The following PTPN22 variants were observed in gnomAD, a reference collection of about 807,000 sequenced individuals.
PTPN22 encodes the protein tyrosine-protein phosphatase non-receptor type 22.
Under a neutral mutation model 103.3 loss-of-function variants are expected in PTPN22, and 85 were observed. That is an observed-to-expected ratio of 0.82 (90% CI 0.69 to 0.99). The LOEUF is 0.99. PTPN22 is among the 50% of genes least tolerant of loss of function. PTPN22 has a pLI of 0.00. For missense variants in PTPN22, 865 were observed against 936.9 expected (o/e 0.92, Z 1.00); for synonymous variants, 323 against 310.2 (o/e 1.04, Z -0.43).
At chr1:113,827,394 C>T (rs1213988687) in intron 18 of PTPN22, among the ~76,000 whole-genome samples, 2 of 151,994 alleles carry the variant, frequency 1.3e-5, no homozygotes, top group Admixed American at 1.3e-4. Flanking sequence ...TAGTATCCTT[C>T]CAGTGTTACT....
intron 11 of PTPN22, among the ~76,000 whole-genome samples, chr1:113,847,396 T>C (rs549558431): frequency 2.6e-4 from 40 of 152,116 alleles, no homozygotes; most frequent in African/African-American, 9.1e-4. Flanking sequence ...TCTTGGCTGC[T>C]TTAAAATCCT....
intron 1 of PTPN22, among the ~76,000 whole-genome samples, chr1:113,859,953 C>G (rs989695537): frequency 1.4e-5 from 2 of 140,494 alleles, no homozygotes; most frequent in Non-Finnish European, 3.0e-5. Flanking sequence ...GTTCCAAAAG[C>G]AGTCACTTTT....
At chr1:113,864,693 G>T (rs1450033458) in intron 1 of PTPN22, among the ~76,000 whole-genome samples, 1 of 150,816 alleles carries the variant, frequency 6.6e-6, no homozygotes, top group African/African-American at 2.4e-5. Context: ...GGCAGATCAC[G>T]AGGTCGGGAG....
intron 1 of PTPN22, among the ~76,000 whole-genome samples, chr1:113,871,043 AAAC>A (rs1666535192): frequency 6.6e-6 from 1 of 152,114 alleles, no homozygotes; most frequent in South Asian, 2.1e-4. Flanking sequence ...TTAAAAAAAC[AAAC>A]AACAACAACA....
At chr1:113,829,529 A>AG in intron 18 of PTPN22, 63 bp downstream of exon 18, 1 of 804,582 alleles carries the variant, frequency 1.2e-6, no homozygotes, top group Non-Finnish European at 2.0e-6. Context: ...AATGCTGGGG[A>AG]GGGGGAAACT....
intron 1 of PTPN22, chr1:113,864,081 G>C (rs553144497): frequency 2.9e-6 from 1 of 342,952 alleles, no homozygotes; most frequent in South Asian, 2.1e-5. Flanking sequence ...ATTGCACTCT[G>C]GTCTGGGCAA....
chr1:113,827,202 G>A (rs917251059), intron 18 of PTPN22, among the ~76,000 whole-genome samples: 2 of 151,980 alleles, frequency 1.3e-5, no homozygotes, highest in Non-Finnish European at 2.9e-5. Context: ...GCTCTTCCAT[G>A]GAATAGATAT....
chr1:113,868,267 G>T (rs1666284826), intron 1 of PTPN22, among the ~76,000 whole-genome samples: 2 of 151,976 alleles, frequency 1.3e-5, no homozygotes, highest in South Asian at 4.1e-4. Context: ...GGATGCTCAG[G>T]GAATCTACCT....
At position 113,819,594 on chromosome 1, in the gene PTPN22, C is replaced by T. The variant is rs745813833; in HGVS notation, c.2342G>A (p.Ser781Asn). 5.6e-6 allele frequency: 9 copies of T among 1,606,246 alleles called. No individual in the cohort carries two copies. The African/African-American group carries it at 1.2e-4, about 22-fold the overall frequency. ...ACACATACCAAAATTCAGAAATGAG[C>T]TGGAGTTATTTGACTGAACAGATTC... The change falls in exon 20 of 21, where the codon AGC (serine) becomes AAC (asparagine). Residue 781 changes from serine to asparagine, a missense_variant. Around this residue, in one of 3 missense-constraint regions of PTPN22, gnomAD observed 401 missense variants for 388.6 expected, o/e 1.03. Coordinates refer to ENST00000359785, the Ensembl canonical transcript of PTPN22.
chr1:113,821,512 TG>T (rs1661610271), intron 19 of PTPN22, among the ~76,000 whole-genome samples: 1 of 152,018 alleles, frequency 6.6e-6, no homozygotes, highest in Non-Finnish European at 1.5e-5. Flanking sequence ...TTAGTAGAGA[TG>T]GGGTTTCACC....
chr1:113,824,178 C>T (rs1252923407), intron 19 of PTPN22, among the ~76,000 whole-genome samples: 4 of 152,012 alleles, frequency 2.6e-5, no homozygotes, highest in South Asian at 4.2e-4. Flanking sequence ...CTTGGCTCAC[C>T]GCAACCTCCG....
At chr1:113,833,085 C>T in intron 16 of PTPN22, 26 bp downstream of exon 16, 6 of 1,551,322 alleles carry the variant, frequency 3.9e-6, no homozygotes, top group South Asian at 1.1e-5. Flanking sequence ...GGCTAAATGT[C>T]ATCTAAAGCC....
intron 1 of PTPN22, among the ~76,000 whole-genome samples, chr1:113,859,687 C>T (rs775575670): frequency 5.3e-5 from 8 of 152,146 alleles, no homozygotes; most frequent in Non-Finnish European, 1.0e-4. Flanking sequence ...CCATAGATAG[C>T]GTGAACTTAA....
exon 21 of PTPN22, chr1:113,814,813 G>A: frequency 1.1e-6 from 1 of 946,404 alleles, no homozygotes; most frequent in African/African-American, 1.6e-5. Context: ...TTGATATTAT[G>A]CATATAGAGC....
At chr1:113,841,768 A>G (rs1165374048) in intron 11 of PTPN22, among the ~76,000 whole-genome samples, 8 of 152,014 alleles carry the variant, frequency 5.3e-5, no homozygotes, top group Admixed American at 5.2e-4. Flanking sequence ...ACACCCGGCT[A>G]ATTTTTGTCT....
intron 9 of PTPN22, among the ~76,000 whole-genome samples, chr1:113,852,424 G>T (rs887934696): frequency 6.6e-6 from 1 of 152,196 alleles, no homozygotes; most frequent in Non-Finnish European, 1.5e-5. Context: ...AAAGAGGTTG[G>T]TAGGTAGGTC....
At chr1:113,857,687 T>G in intron 5 of PTPN22, 51 bp downstream of exon 5, 1 of 1,552,258 alleles carries the variant, frequency 6.4e-7, no homozygotes, top group Non-Finnish European at 8.9e-7. Flanking sequence ...TCCCTCTCCT[T>G]TTTCTTCTTT....
exon 1 of PTPN22, chr1:113,871,563 T>C (rs1195164389): frequency 1.2e-6 from 2 of 1,613,932 alleles, no homozygotes; most frequent in Non-Finnish European, 1.7e-6. Context: ...AACTCCTCTT[T>C]AGTAATTTTC....
In PTPN22 at chr1:113,859,349, T is replaced by TA; in HGVS notation, c.196+2dup. ...TGAGTTTATAGAGAGAAATGGAACT[T>TA]ACAGGGCAAAATATCCTTATATCTG... is the stretch of plus-strand genomic sequence containing the variant. On this transcript the variant is annotated splice_region_variant and intron_variant, in intron 2 of 20. Coordinates refer to ENST00000359785, the Ensembl canonical transcript of PTPN22. The TA allele has an allele frequency of 6.2e-7, 1 of 1,605,930 alleles. No individual in the cohort carries two copies. The highest frequency in any genetic ancestry group is 8.5e-7 in the Non-Finnish European group (1 of 1,173,104).
Sources: gnomAD v4.1 joint callset for allele counts (sites outside exome capture counted in the v4.1 genomes callset) on GRCh38, gnomAD v4.1.1 for gene constraint, gnomAD v4.1.1 regional missense constraint, MANE v1.5 for transcripts, NCBI Gene and HGNC (gene_info 2026-07-23, HGNC 2026-07-21) for gene names.